The following MBP variants were observed in gnomAD, a reference collection of about 807,000 sequenced individuals.
MBP encodes the protein myelin basic protein, also known as Golli-MBP.
Under a neutral mutation model 35.8 loss-of-function variants are expected in MBP, and 16 were observed. The observed-to-expected ratio is 0.45, with a 90% CI of 0.30 to 0.68. The LOEUF (loss-of-function observed/expected upper bound fraction) is 0.68, where lower values mean the gene tolerates loss of function less well. MBP is among the 30% of genes least tolerant of loss of function. The pLI is 0.08. For synonymous variants in MBP, 143 were observed against 159.6 expected (o/e 0.90, Z 0.78); for missense variants, 380 against 404.7 (o/e 0.94, Z 0.52).
At chr18:77,096,421 C>T (rs1439621516) in intron 2 of MBP, among the ~76,000 whole-genome samples, 1 of 151,988 alleles carries the variant, frequency 6.6e-6, no homozygotes, top group Non-Finnish European at 1.5e-5. Context: ...AGAGCGTATG[C>T]CTCATTCCTC....
chr18:76,988,295 C>A lies in MBP; in HGVS notation c.750+200G>T. On this transcript the variant is annotated intron_variant, in intron 7 of 8. Coordinates refer to ENST00000355994, the MANE Select transcript of MBP (RefSeq NM_001025101.2). This position sits in a 1 kb window ranked among gnomAD's most constrained non-coding sequence, Gnocchi z 5.2. The stretch of plus-strand genomic sequence containing the variant: ...GGTCCCCGGCACAGAAGCAAGAGAC[C>A]AGACCTTCCGGAAGGGAAGACCACG... The A allele has an allele frequency of 6.4e-7, 1 of 1,555,198 alleles. No homozygotes were observed. The highest frequency in any genetic ancestry group is 8.7e-7 in the Non-Finnish European group (1 of 1,149,184).
chr18:76,989,793 A>G lies in MBP; in HGVS notation c.681+163T>C. ...TACAGTCGGGAAGCGCTTGCCTGGA[A>G]CTCGCGATCAGGTGCGAGGGGGGAG... On this transcript the variant is annotated intron_variant, in intron 5 of 8. Transcript: ENST00000355994. The surrounding 1 kb of genome is among the most constrained non-coding windows in gnomAD (Gnocchi z 4.0). The G allele has an allele frequency of 1.6e-6, 1 of 624,186 alleles. No individual in the cohort carries two copies. The highest frequency in any genetic ancestry group is 2.8e-5 in the East Asian group (1 of 35,356). The allele number at this position is 624,186 out of a possible 1,614,324, so 38.7% of individuals were successfully genotyped here. A position where few individuals can be genotyped will look rare whatever the true frequency, so the allele number is the denominator to read the frequency against.
intron 2 of MBP, among the ~76,000 whole-genome samples, chr18:77,104,944 C>T (rs11151002): frequency 0.52 from 78,908 of 151,864 alleles, 24,177 homozygotes; most frequent in Non-Finnish European, 0.68. Context: ...TTCCTAACTC[C>T]TTCCCTTCCT....
intron 3 of MBP, among the ~76,000 whole-genome samples, chr18:77,058,486 C>A (rs1973833158): frequency 6.6e-6 from 1 of 152,138 alleles, no homozygotes; most frequent in Non-Finnish European, 1.5e-5. Flanking sequence ...GACCCCAGGC[C>A]CGGGCACGAC....
At chr18:77,088,017 C>A (rs951485228) in intron 2 of MBP, among the ~76,000 whole-genome samples, 20 of 152,010 alleles carry the variant, frequency 1.3e-4, no homozygotes, top group African/African-American at 4.6e-4. Flanking sequence ...AGGCAAGGAA[C>A]GGCCTTGGCG....
intron 4 of MBP, among the ~76,000 whole-genome samples, chr18:77,007,036 C>G (rs550059028): frequency 6.6e-6 from 1 of 152,176 alleles, no homozygotes; most frequent in East Asian, 1.9e-4. Context: ...TTCTTGGTTC[C>G]GACTCTGCTG....
At chr18:77,009,287 G>T (rs1971189344) in intron 4 of MBP, among the ~76,000 whole-genome samples, 1 of 152,224 alleles carries the variant, frequency 6.6e-6, no homozygotes, top group African/African-American at 2.4e-5. Flanking sequence ...ACAAGGAGAA[G>T]AGGACAGGCC....
intron 3 of MBP, among the ~76,000 whole-genome samples, chr18:77,045,455 AC>A (rs1162463506): frequency 6.6e-6 from 1 of 151,712 alleles, no homozygotes; most frequent in African/African-American, 2.4e-5. Flanking sequence ...CTCTGAACTG[AC>A]CCGCTGCAGC....
In MBP at chr18:76,988,813, T is replaced by C. The variant is rs1304978003; in HGVS notation, c.717+64A>G. ...GAGCCTAACTCTCTCTTTGGTACATTATGGGATTTTAGAGAAGGTCTATCA... is the reference window on the plus strand; with the variant it reads ...GAGCCTAACTCTCTCTTTGGTACATCATGGGATTTTAGAGAAGGTCTATCA... On this transcript the variant is annotated intron_variant, in intron 6 of 8. Coordinates refer to ENST00000355994, the MANE Select transcript of MBP (RefSeq NM_001025101.2). This position sits in a 1 kb window ranked among gnomAD's most constrained non-coding sequence, Gnocchi z 5.2. 19 of 1,535,348 alleles carry C rather than the reference T, an allele frequency of 1.2e-5. No individual in the cohort carries two copies. In the Middle Eastern group the frequency reaches 8.7e-4, roughly 70 times the overall value.
chr18:77,108,046 C>T (rs78878466), intron 1 of MBP, among the ~76,000 whole-genome samples: 1,653 of 152,284 alleles, frequency 0.011, 23 homozygotes, highest in African/African-American at 0.037. Context: ...GTAAGTGAGA[C>T]GTGTCTCAAG....
At chr18:77,092,179 G>A (rs1351209603) in intron 2 of MBP, among the ~76,000 whole-genome samples, 1 of 152,280 alleles carries the variant, frequency 6.6e-6, no homozygotes, top group Admixed American at 6.5e-5. Context: ...ACACGGCGGC[G>A]TTTCCGAAAT....
At chr18:77,018,190 TACCCATC>T (rs1413907110) in intron 3 of MBP, among the ~76,000 whole-genome samples, 1 of 150,234 alleles carries the variant, frequency 6.7e-6, no homozygotes. Flanking sequence ...CACACCCACC[TACCCATC>T]CATCCATCCA....
intron 2 of MBP, chr18:77,067,756 A>AGG: frequency 2.1e-6 from 1 of 479,274 alleles, no homozygotes; most frequent in Non-Finnish European, 4.2e-6. Flanking sequence ...TTTCCACCCA[A>AGG]TCTCTCATTT....
chr18:77,014,143 C>T lies in MBP; in HGVS notation c.576+2689G>A, dbSNP rs574570079. 106 of 985,464 alleles carry T rather than the reference C, an allele frequency of 1.1e-4. No homozygotes were observed. The Admixed American group carries it at 1.4e-3, about 13-fold the overall frequency. 61.0% of individuals were successfully genotyped at this position (985,464 alleles called of 1,614,324 possible). A position where few individuals can be genotyped will look rare whatever the true frequency, so the allele number is the denominator to read the frequency against. On this transcript the variant is annotated intron_variant, in intron 4 of 8. Coordinates refer to ENST00000355994, the MANE Select transcript of MBP (RefSeq NM_001025101.2). Reference sequence around the variant, plus strand: ...TCTCCGTGAATGCACTTTTCATTTACGGCTCTCAAAAGAATATGCCTTCTC... The same window carrying T: ...TCTCCGTGAATGCACTTTTCATTTATGGCTCTCAAAAGAATATGCCTTCTC...
chr18:77,017,027 G>A lies in MBP; in HGVS notation c.381C>T (p.Thr127=). The A allele has an allele frequency of 1.9e-6, 3 of 1,614,188 alleles. No homozygotes were observed. The highest frequency in any genetic ancestry group is 2.5e-6 in the Non-Finnish European group (3 of 1,180,028). The change falls in exon 4 of 9, where the codon ACC becomes ACT. Residue 127 remains threonine, a synonymous_variant. Transcript: ENST00000355994. ...LQTIQEDSAA[T]SESLDVMASQ... ...ACGCCATCACATCCAGGCTCTCGGA[G>A]GTGGCTGCACTGTCTTCTTGGATGG...
intron 4 of MBP, chr18:77,015,358 C>T (rs960455455): frequency 5.1e-6 from 5 of 985,154 alleles, no homozygotes; most frequent in South Asian, 4.7e-5. Context: ...ATAATAGCAA[C>T]GCTTTATTGG....
chr18:77,078,039 G>A (rs991461944), intron 2 of MBP, among the ~76,000 whole-genome samples: 1 of 152,156 alleles, frequency 6.6e-6, no homozygotes, highest in Non-Finnish European at 1.5e-5. Flanking sequence ...CCACGTGCCC[G>A]CCATGGGCCT....
In MBP at chr18:76,989,779, A is replaced by G; in HGVS notation, c.681+177T>C. On this transcript the variant is annotated intron_variant, in intron 5 of 8. Transcript: ENST00000355994. This position sits in a 1 kb window ranked among gnomAD's most constrained non-coding sequence, Gnocchi z 4.0. ...CAATCCGTGGCAGATACAGTCGGGA[A>G]GCGCTTGCCTGGAACTCGCGATCAG... 3.3e-6 allele frequency: 2 copies of G among 604,782 alleles called. No individual in the cohort carries two copies. Among genetic ancestry groups the G allele is most frequent in the Non-Finnish European group, 6.0e-6 (2 of 334,898 alleles). 37.5% of individuals were successfully genotyped at this position (604,782 alleles called of 1,614,324 possible). A position where few individuals can be genotyped will look rare whatever the true frequency, so the allele number is the denominator to read the frequency against.
chr18:76,987,520 C>T (rs470798), intron 7 of MBP: 157,808 of 983,912 alleles, frequency 0.16, 13,293 homozygotes, highest in East Asian at 0.36. Context: ...CCTTCCTCTT[C>T]CCCACCTTCT....
Sources: allele counts gnomAD v4.1 joint callset (sites outside exome capture counted in the v4.1 genomes callset), GRCh38; gene constraint gnomAD v4.1.1; non-coding constraint Gnocchi (gnomAD v3.1); transcripts MANE v1.5; gene names NCBI Gene and HGNC (gene_info 2026-07-23, HGNC 2026-07-21).